The following LHFPL3 variants were observed in gnomAD, a reference collection of about 807,000 sequenced individuals.
LHFPL3 encodes LHFPL tetraspan subfamily member 3 protein.
A neutral mutation model predicts 19.3 loss-of-function variants in LHFPL3; 5 were observed. The ratio of observed to expected loss-of-function variants is 0.26; its 90% confidence interval spans 0.14 to 0.54. LHFPL3 has a LOEUF of 0.54. Among genes scored for constraint, LHFPL3 ranks in the 20% least tolerant of loss-of-function variants. The pLI is 0.94. For synonymous variants in LHFPL3, 133 were observed against 126.2 expected (o/e 1.05, Z -0.36); for missense variants, 249 against 307.4 (o/e 0.81, Z 1.42).
At chr7:104,396,545 G>GT (rs1215393182) in intron 1 of LHFPL3, among the ~76,000 whole-genome samples, 1 of 150,498 alleles carries the variant, frequency 6.6e-6, no homozygotes, top group East Asian at 1.9e-4. Flanking sequence ...GGTGCATCAG[G>GT]TTCAATTTAG....
intron 1 of LHFPL3, among the ~76,000 whole-genome samples, chr7:104,575,559 TA>T (rs58118006): frequency 0.084 from 3,021 of 36,058 alleles, 57 homozygotes; most frequent in East Asian, 0.16. Flanking sequence ...CAAAGAGATC[TA>T]AAAAAAAAAA....
At chr7:104,576,219 A>T (rs908495767) in intron 1 of LHFPL3, among the ~76,000 whole-genome samples, 2 of 152,232 alleles carry the variant, frequency 1.3e-5, no homozygotes, top group Admixed American at 6.5e-5. Context: ...GAAAACCAGG[A>T]GACCATAGGG....
At chr7:104,410,583 T>A (rs1418160990) in intron 1 of LHFPL3, among the ~76,000 whole-genome samples, 1 of 152,196 alleles carries the variant, frequency 6.6e-6, no homozygotes, top group Non-Finnish European at 1.5e-5. Flanking sequence ...GGAGGAATAA[T>A]CCACAAATCA....
intron 1 of LHFPL3, among the ~76,000 whole-genome samples, chr7:104,550,924 ATCT>A (rs1794651424): frequency 1.3e-5 from 2 of 152,070 alleles, no homozygotes; most frequent in Admixed American, 6.6e-5. Flanking sequence ...CCTTCAAACA[ATCT>A]TCTTATCTTC....
At chr7:104,827,436 G>A (rs1287329419) in intron 2 of LHFPL3, among the ~76,000 whole-genome samples, 1 of 152,018 alleles carries the variant, frequency 6.6e-6, no homozygotes, top group East Asian at 1.9e-4. Flanking sequence ...TTAGATTATA[G>A]TCTTGGGGTT....
Position 104,906,706 on chromosome 7 carries a change from C to G in LHFPL3, c.*491C>G, listed in dbSNP as rs1792622398. 2 of 153,240 alleles carry G rather than the reference C, an allele frequency of 1.3e-5. No homozygotes were observed. Among genetic ancestry groups the G allele is most frequent in the Non-Finnish European group, 2.9e-5 (2 of 68,484 alleles). The allele number at this position is 153,240 out of a possible 1,614,324, so 9.5% of individuals were successfully genotyped here. A position where few individuals can be genotyped will look rare whatever the true frequency, so the allele number is the denominator to read the frequency against. On this transcript the variant is annotated 3_prime_UTR_variant, in exon 3 of 3. Coordinates refer to ENST00000424859, the MANE Select transcript of LHFPL3 (RefSeq NM_199000.3). ...CAAGCGTCATTTATTGAGGAAGCAT[C>G]TTAGAAAATGCCTCTGAATGTTTTC...
chr7:104,405,685 CTA>C (rs1791399556), intron 1 of LHFPL3, among the ~76,000 whole-genome samples: 1 of 152,166 alleles, frequency 6.6e-6, no homozygotes, highest in Admixed American at 6.5e-5. Flanking sequence ...ATTTTAACCA[CTA>C]TGTTATACTG....
intron 2 of LHFPL3, among the ~76,000 whole-genome samples, chr7:104,764,216 C>T (rs1353537234): frequency 6.6e-6 from 1 of 152,028 alleles, no homozygotes; most frequent in African/African-American, 2.4e-5. Flanking sequence ...TTGCCCAGGC[C>T]GGAGTGCAGT....
intron 1 of LHFPL3, among the ~76,000 whole-genome samples, chr7:104,729,966 G>C (rs981301580): frequency 6.6e-6 from 1 of 150,442 alleles, no homozygotes; most frequent in Non-Finnish European, 1.5e-5. Flanking sequence ...TCATTGTTCA[G>C]TTCCCACCTA....
intron 1 of LHFPL3, among the ~76,000 whole-genome samples, chr7:104,494,196 CAACT>C (rs1365314066): frequency 6.6e-6 from 1 of 152,086 alleles, no homozygotes; most frequent in Non-Finnish European, 1.5e-5. Context: ...ATAGAAGCAA[CAACT>C]AACATATATT....
chr7:104,506,836 G>C (rs934790813), intron 1 of LHFPL3, among the ~76,000 whole-genome samples: 1 of 152,170 alleles, frequency 6.6e-6, no homozygotes, highest in Admixed American at 6.5e-5. Context: ...AGTAACTAGT[G>C]ATCTTTGAAA....
At chr7:104,768,142 A>G (rs1161787453) in intron 2 of LHFPL3, among the ~76,000 whole-genome samples, 8 of 310 alleles carry the variant, frequency 0.026, no homozygotes, top group African/African-American at 0.18. Context: ...ATTCTCGTGA[A>G]AAAAAAAAAA....
chr7:104,405,892 A>C (rs1791403857), intron 1 of LHFPL3, among the ~76,000 whole-genome samples: 1 of 152,192 alleles, frequency 6.6e-6, no homozygotes, highest in Admixed American at 6.5e-5. Flanking sequence ...AAGAGTGTTG[A>C]TGTAGGATTT....
intron 1 of LHFPL3, among the ~76,000 whole-genome samples, chr7:104,511,710 A>G (rs1217925174): frequency 6.6e-6 from 1 of 152,192 alleles, no homozygotes; most frequent in East Asian, 1.9e-4. Flanking sequence ...CATTGGTTAC[A>G]GTGTACATTG....
At chr7:104,412,910 G>C (rs1305759033) in intron 1 of LHFPL3, among the ~76,000 whole-genome samples, 1 of 152,040 alleles carries the variant, frequency 6.6e-6, no homozygotes, top group Non-Finnish European at 1.5e-5. Flanking sequence ...TGTTTGTCAG[G>C]TCTGTCATTA....
intron 1 of LHFPL3, among the ~76,000 whole-genome samples, chr7:104,647,031 G>A (rs1336303939): frequency 6.6e-6 from 1 of 152,162 alleles, no homozygotes; most frequent in Non-Finnish European, 1.5e-5. Flanking sequence ...TATGCCCAGT[G>A]AAAGATGTCA....
At chr7:104,556,402 C>T (rs562874626) in intron 1 of LHFPL3, among the ~76,000 whole-genome samples, 68 of 152,366 alleles carry the variant, frequency 4.5e-4, no homozygotes, top group African/African-American at 1.2e-3. Context: ...TGTGCACCCA[C>T]AGGCTCAATA....
chr7:104,542,527 C>T (rs1252562567), intron 1 of LHFPL3, among the ~76,000 whole-genome samples: 1 of 152,110 alleles, frequency 6.6e-6, no homozygotes, highest in Non-Finnish European at 1.5e-5. Flanking sequence ...AGAGAATATG[C>T]TCTGATACCC....
At chr7:104,582,705 G>T (rs1790482176) in intron 1 of LHFPL3, among the ~76,000 whole-genome samples, 1 of 151,736 alleles carries the variant, frequency 6.6e-6, no homozygotes, top group Non-Finnish European at 1.5e-5. Context: ...ATTATCATGT[G>T]ATATTTCTTT....
Sources: gnomAD v4.1 joint callset for allele counts (sites outside exome capture counted in the v4.1 genomes callset) on GRCh38, gnomAD v4.1.1 for gene constraint, MANE v1.5 for transcripts, NCBI Gene and HGNC (gene_info 2026-07-23, HGNC 2026-07-21) for gene names.